The following DOK7 variants were observed in gnomAD, a reference collection of about 807,000 sequenced individuals.
The protein encoded by DOK7 is docking protein 7, also known as protein Dok-7.
DOK7 carries 32 observed loss-of-function variants against 30.7 expected under a neutral mutation model. The ratio of observed to expected loss-of-function variants is 1.04; its 90% CI spans 0.79 to 1.40. The LOEUF is 1.40. Among genes scored for constraint, DOK7 ranks in the 40% most tolerant of loss-of-function variants. The pLI, the probability that DOK7 is intolerant of heterozygous loss-of-function variation, is 0.00. For missense variants in DOK7, 1,007 were observed against 699.2 expected (o/e 1.44, Z -4.97); for synonymous variants, 447 against 324.1 (o/e 1.38, Z -4.07).
chr4:3,494,262 C>G lies in DOK7; in HGVS notation c.*761C>G. 1 of 985,518 alleles carries G rather than the reference C, an allele frequency of 1.0e-6. No individual in the cohort carries two copies. The highest frequency in any genetic ancestry group is 1.2e-6 in the Non-Finnish European group (1 of 829,988). 61.0% of individuals were successfully genotyped at this position (985,518 alleles called of 1,614,324 possible). A position where few individuals can be genotyped will look rare whatever the true frequency, so the allele number is the denominator to read the frequency against. On this transcript the variant is annotated 3_prime_UTR_variant, in exon 7 of 7. Transcript: ENST00000340083. ...TCGCAGGGCCAAAGGCTGGCTTGGC[C>G]TGTGTTTCCCCTGGCCCAGGCCTCA...
At chr4:3,497,032 ATGTTGGGTGGCAGTGGG>A (rs1274076864), downstream of DOK7, among the ~76,000 whole-genome samples, 6 of 138,786 alleles carry the variant, frequency 4.3e-5, no homozygotes, top group African/African-American at 1.3e-4. Context: ...CTGACAGTGG[ATGTTGGGTGGCAGTGGG>A]TGTTGGGTGA....
chr4:3,489,925 T>TCC, intron 6 of DOK7, 129 bp downstream of exon 6: 1 of 1,395,206 alleles, frequency 7.2e-7, no homozygotes, highest in Non-Finnish European at 9.5e-7. Context: ...TTCTGTCTCC[T>TCC]GCTCATTCAT....
At chr4:3,491,138 TC>T (rs1204042804) in intron 6 of DOK7, among the ~76,000 whole-genome samples, 37 of 56,486 alleles carry the variant, frequency 6.6e-4, no homozygotes, top group Non-Finnish European at 1.1e-3. Flanking sequence ...GTTTCTCCCT[TC>T]CCCCCATTCC....
chr4:3,485,579 G>T lies in DOK7; in HGVS notation c.573G>T (p.Gln191His), dbSNP rs146277586. 6.2e-7 allele frequency: 1 copy of T among 1,608,224 alleles called. No individual in the cohort carries two copies. The highest frequency in any genetic ancestry group is 8.5e-7 in the Non-Finnish European group (1 of 1,177,084). The change falls in exon 5 of 7, where the codon CAG (glutamine) becomes CAT (histidine). Residue 191 changes from glutamine to histidine, a missense_variant. Gln to His is a conservative substitution (Grantham distance 24). Transcript: ENST00000340083. ...VFFLSSAEGEQISFLFDCIVR... is the reference protein window; with the variant it reads ...VFFLSSAEGEHISFLFDCIVR... ...TCCTGTCCTCGGCCGAGGGGGAGCA[G>T]ATCAGCTTCCTGTTCGACTGCATCG...
At chr4:3,484,758 A>G (rs1727656584) in intron 4 of DOK7, 1 of 985,386 alleles carries the variant, frequency 1.0e-6, no homozygotes, top group South Asian at 4.7e-5. Context: ...ACACACTGGC[A>G]GCTCCAGCTT....
chr4:3,487,478 G>A (rs1211018507), intron 5 of DOK7, among the ~76,000 whole-genome samples: 1 of 152,228 alleles, frequency 6.6e-6, no homozygotes, highest in Non-Finnish European at 1.5e-5. Context: ...AAGAGATGCA[G>A]GAAGTCCAGC....
downstream of DOK7, chr4:3,494,618 G>A (rs1442134307): frequency 4.9e-6 from 4 of 810,734 alleles, no homozygotes; most frequent in Non-Finnish European, 6.0e-6. Context: ...GGCCTCATCT[G>A]TCTTGTGAGC....
chr4:3,481,105 G>A (rs1014007669), intron 4 of DOK7, among the ~76,000 whole-genome samples: 1 of 152,114 alleles, frequency 6.6e-6, no homozygotes, highest in Non-Finnish European at 1.5e-5. Context: ...GGGATAGGAG[G>A]CGTGAGGGTG....
In DOK7 at chr4:3,493,637, C is replaced by A; in HGVS notation, c.*136C>A. On this transcript the variant is annotated 3_prime_UTR_variant, in exon 7 of 7. Transcript: ENST00000340083. ...ACCGGGGGTCTCCCGGAGAGGGGAG[C>A]TGGAGGGCGCGCCCTGTGGCTGCCA... is the stretch of plus-strand genomic sequence containing the variant. 6.8e-7 allele frequency: 1 copy of A among 1,477,848 alleles called. No individual in the cohort carries two copies. The allele number at this position is 1,477,848 out of a possible 1,614,324, so 91.5% of individuals were successfully genotyped here. A position where few individuals can be genotyped will look rare whatever the true frequency, so the allele number is the denominator to read the frequency against.
At chr4:3,479,904 G>A (rs914674014) in intron 4 of DOK7, among the ~76,000 whole-genome samples, 3 of 152,232 alleles carry the variant, frequency 2.0e-5, no homozygotes, top group Non-Finnish European at 2.9e-5. Context: ...AGCTTGGCCC[G>A]AGCGCACTTG....
intron 2 of DOK7, among the ~76,000 whole-genome samples, chr4:3,468,283 AGT>A (rs546322489): frequency 0.012 from 1,757 of 148,976 alleles, 23 homozygotes; most frequent in African/African-American, 0.04. Flanking sequence ...TACCTGTGGG[AGT>A]GTGTGTGCAC....
chr4:3,469,611 A>G (rs1340524451), intron 2 of DOK7, among the ~76,000 whole-genome samples: 1 of 151,030 alleles, frequency 6.6e-6, no homozygotes, highest in East Asian at 2.0e-4. Context: ...GTGGCCATCC[A>G]CTCCTGAGTC....
intron 5 of DOK7, among the ~76,000 whole-genome samples, chr4:3,487,103 CA>C (rs143687915): frequency 6.6e-6 from 1 of 152,306 alleles, no homozygotes; most frequent in East Asian, 1.9e-4. Context: ...GACCCCACTC[CA>C]CAGGACATCT....
intron 4 of DOK7, among the ~76,000 whole-genome samples, chr4:3,478,158 G>T (rs1454677551): frequency 6.6e-6 from 1 of 152,192 alleles, no homozygotes; most frequent in African/African-American, 2.4e-5. Context: ...GCAGCCGGCC[G>T]GGGTGGCGCC....
chr4:3,479,136 G>A lies in DOK7; in HGVS notation c.532+2594G>A, dbSNP rs1431713365. Among the ~76,000 whole-genome samples, 3 of 152,218 alleles carry A rather than the reference G, an allele frequency of 2.0e-5. No individual in the cohort carries two copies. The East Asian group carries it at 5.8e-4, about 29-fold the overall frequency. The stretch of plus-strand genomic sequence containing the variant: ...GGCTTTTTCCAAAAGCTCTTGGGGA[G>A]GACCCATGGGAAGGTCCTTCCTGCC... On this transcript the variant is annotated intron_variant, in intron 4 of 6. Transcript: ENST00000340083.
In DOK7 at chr4:3,493,765, C is replaced by A. The variant is rs558363558; in HGVS notation, c.*264C>A. On this transcript the variant is annotated 3_prime_UTR_variant, in exon 7 of 7. Transcript: ENST00000340083. ...GCCCCAATGCTCAGCTGCTTCACTC[C>A]GTGTCCCCCACCCCTGAGGATCAGG... 2 of 1,396,616 alleles carry A rather than the reference C, an allele frequency of 1.4e-6. No homozygotes were observed. The highest frequency in any genetic ancestry group is 2.9e-5 in the African/African-American group (2 of 68,494). 86.5% of individuals were successfully genotyped at this position (1,396,616 alleles called of 1,614,324 possible).
chr4:3,477,132 A>C (rs1727145230), intron 4 of DOK7, among the ~76,000 whole-genome samples: 3 of 151,580 alleles, frequency 2.0e-5, no homozygotes, highest in Non-Finnish European at 4.4e-5. Flanking sequence ...CTGCCCAGAG[A>C]GTCTGAGGTG....
chr4:3,488,732 G>A (rs1207332046), intron 5 of DOK7, among the ~76,000 whole-genome samples: 1 of 150,136 alleles, frequency 6.7e-6, no homozygotes, highest in Non-Finnish European at 1.5e-5. Flanking sequence ...GTGTTCTGGA[G>A]GCCCAGAGGA....
chr4:3,500,297 G>A lies in DOK7; in HGVS notation c.1155G>A (p.Pro385=), dbSNP rs767865277. The stretch of plus-strand genomic sequence containing the variant: ...TGGACAGCCCAGGACCAGAGAGGCC[G>A]CGCGGCGAGTCGCCCACTTACGTGA... The change falls in exon 7 of 8, where the codon CCG becomes CCA. Residue 385 remains proline (P), a synonymous_variant. Transcript: ENST00000643608. 6.0e-5 allele frequency: 92 copies of A among 1,535,826 alleles called. No homozygotes were observed. Among genetic ancestry groups the A allele is most frequent in the Admixed American group, 3.9e-5 (2 of 50,982 alleles).
Sources: allele counts gnomAD v4.1 joint callset (sites outside exome capture counted in the v4.1 genomes callset), GRCh38; gene constraint gnomAD v4.1.1; transcripts MANE v1.5; gene names NCBI Gene and HGNC (gene_info 2026-07-23, HGNC 2026-07-21).